The following CAMK4 variants were observed in gnomAD, a reference collection of about 807,000 sequenced individuals.
CAMK4 encodes the protein calcium/calmodulin dependent protein kinase IV, also known as calcium/calmodulin-dependent protein kinase type IV.
CAMK4 carries 22 observed loss-of-function variants against 44.9 expected under a neutral mutation model. That is an observed-to-expected ratio of 0.49 (90% confidence interval 0.35 to 0.70). The LOEUF (loss-of-function observed/expected upper bound fraction) is 0.70. Among genes scored for constraint, CAMK4 ranks in the 30% least tolerant of loss-of-function variants. The pLI, the probability that CAMK4 is intolerant of heterozygous loss-of-function variation, is 0.01. For missense variants in CAMK4, 498 were observed against 586.8 expected, an observed-to-expected ratio of 0.85 and a Z score of 1.56; for synonymous variants, 218 against 215.4, an observed-to-expected ratio of 1.01 and a Z score of -0.11.
At chr5:111,361,085 G>C (rs919102809) in intron 2 of CAMK4, among the ~76,000 whole-genome samples, 1 of 151,956 alleles carries the variant, frequency 6.6e-6, no homozygotes, top group Non-Finnish European at 1.5e-5. Context: ...CTTTGAAAAA[G>C]GTCTGAATTG....
At chr5:111,455,854 C>A (rs1754395259) in intron 7 of CAMK4, among the ~76,000 whole-genome samples, 1 of 152,124 alleles carries the variant, frequency 6.6e-6, no homozygotes, top group Admixed American at 6.5e-5. Flanking sequence ...GTTAGTGAAA[C>A]CCTCTAAATC....
At chr5:111,350,992 A>G (rs1335388627) in intron 2 of CAMK4, among the ~76,000 whole-genome samples, 1 of 152,112 alleles carries the variant, frequency 6.6e-6, no homozygotes, top group Non-Finnish European at 1.5e-5. Flanking sequence ...GGATGTCTCC[A>G]TTAGAGATTT....
rs34618322 is a variant in CAMK4 at position 111,424,434 on chromosome 5, C to CTTTTT, written c.460-22228_460-22224dup. ...TATATGCATATATGCATCTTCTATT[C>CTTTTT]TTTTTTTTTTTTTTTTTTTTTTTTT... On this transcript the variant is annotated intron_variant, in intron 5 of 10. Coordinates refer to ENST00000282356, the MANE Select transcript of CAMK4 (RefSeq NM_001744.6). Among the ~76,000 whole-genome samples the CTTTTT allele has an allele frequency of 1.3e-3, 87 of 64,914 alleles. 2 individuals carry two copies. The highest frequency in any genetic ancestry group is 1.7e-3 in the Non-Finnish European group (65 of 37,496). 42.6% of individuals were successfully genotyped at this position (64,914 alleles called of 152,430 possible).
intron 8 of CAMK4, among the ~76,000 whole-genome samples, chr5:111,473,990 G>A (rs2112488750): frequency 6.6e-6 from 1 of 152,226 alleles, no homozygotes; most frequent in South Asian, 2.1e-4. Context: ...AAGAAATAAG[G>A]AGTTTCATGA....
intron 5 of CAMK4, among the ~76,000 whole-genome samples, chr5:111,398,256 C>G (rs1347724489): frequency 6.6e-6 from 1 of 152,176 alleles, no homozygotes; most frequent in Non-Finnish European, 1.5e-5. Context: ...TTTCAAAATT[C>G]AGAACAGAAG....
rs570018082 is a variant in CAMK4, at chr5:111,403,891, A to G, written c.459+9109A>G. Among the ~76,000 whole-genome samples, 6 of 152,306 alleles carry G rather than the reference A, an allele frequency of 3.9e-5. No homozygotes were observed. In the East Asian group the frequency reaches 9.7e-4, roughly 25 times the overall value. On this transcript the variant is annotated intron_variant, in intron 5 of 10. Transcript: ENST00000282356. ...TCTTTTGATTCTCAAGTGAGCCACAATAGATTCTGGAGCATGTGTCTAGGA... is the reference window on the plus strand; with the variant it reads ...TCTTTTGATTCTCAAGTGAGCCACAGTAGATTCTGGAGCATGTGTCTAGGA...
chr5:111,242,866 A>G (rs1749066555), intron 1 of CAMK4, among the ~76,000 whole-genome samples: 1 of 150,672 alleles, frequency 6.6e-6, no homozygotes, highest in African/African-American at 2.4e-5. Flanking sequence ...CCTCTTCCAT[A>G]TTTTGTAAAC....
rs928584230 is a variant in CAMK4, at chr5:111,486,000, A to G, written c.*1534A>G. On this transcript the variant is annotated 3_prime_UTR_variant, in exon 11 of 11. Transcript: ENST00000282356. ...TTATTTTCAGAGACCAAATAAAGAC[A>G]ATAAAAATGACTATCACATAAAAAT... 1 of 152,236 alleles carries G rather than the reference A, an allele frequency of 6.6e-6. No individual in the cohort carries two copies. The highest frequency in any genetic ancestry group is 1.5e-5 in the Non-Finnish European group (1 of 68,038). The allele number at this position is 152,236 out of a possible 1,614,324, so 9.4% of individuals were successfully genotyped here. A position where few individuals can be genotyped will look rare whatever the true frequency, so the allele number is the denominator to read the frequency against.
chr5:111,238,641 G>A (rs1315673783), intron 1 of CAMK4, among the ~76,000 whole-genome samples: 1 of 150,730 alleles, frequency 6.6e-6, no homozygotes, highest in Non-Finnish European at 1.5e-5. Context: ...CCCCCATTTG[G>A]CACCTGTCTG....
At chr5:111,279,402 A>G (rs1031460770) in intron 1 of CAMK4, among the ~76,000 whole-genome samples, 3 of 152,200 alleles carry the variant, frequency 2.0e-5, no homozygotes, top group African/African-American at 7.2e-5. Flanking sequence ...AGTCAGCTCC[A>G]GCCCTGAGCC....
chr5:111,399,192 C>T (rs1369159817), intron 5 of CAMK4, among the ~76,000 whole-genome samples: 2 of 152,156 alleles, frequency 1.3e-5, no homozygotes, highest in Non-Finnish European at 2.9e-5. Context: ...GCTACACTGG[C>T]CTTGTTTTCC....
chr5:111,443,151 A>G (rs1753884936), intron 5 of CAMK4, among the ~76,000 whole-genome samples: 2 of 148,034 alleles, frequency 1.4e-5, no homozygotes, highest in South Asian at 2.1e-4. Flanking sequence ...TAGAAATTCT[A>G]TTGGTCAAAG....
intron 5 of CAMK4, among the ~76,000 whole-genome samples, chr5:111,438,258 A>G (rs1753713246): frequency 6.6e-6 from 1 of 152,216 alleles, no homozygotes; most frequent in Non-Finnish European, 1.5e-5. Context: ...TGGATAAATG[A>G]TCTTGGAGCT....
chr5:111,284,517 T>G (rs1201763623), intron 1 of CAMK4, among the ~76,000 whole-genome samples: 4 of 152,170 alleles, frequency 2.6e-5, no homozygotes, highest in African/African-American at 9.7e-5. Flanking sequence ...CAGACACAGA[T>G]AGAAGCCTTG....
chr5:111,386,662 C>CTA (rs1203051630), intron 4 of CAMK4, among the ~76,000 whole-genome samples: 1 of 152,192 alleles, frequency 6.6e-6, no homozygotes, highest in Non-Finnish European at 1.5e-5. Flanking sequence ...TTTTTTCATC[C>CTA]TATAAATTTT....
intron 5 of CAMK4, among the ~76,000 whole-genome samples, chr5:111,444,329 A>C (rs1261660565): frequency 1.3e-5 from 2 of 152,178 alleles, no homozygotes; most frequent in African/African-American, 4.8e-5. Context: ...TAAATGAGTC[A>C]ACAGGTATAA....
chr5:111,321,965 T>C (rs1039270785), intron 1 of CAMK4, among the ~76,000 whole-genome samples: 1 of 152,074 alleles, frequency 6.6e-6, no homozygotes, highest in South Asian at 2.1e-4. Context: ...CAATCATGAC[T>C]GAATCAAATT....
At chr5:111,428,348 G>A (rs10045295) in intron 5 of CAMK4, among the ~76,000 whole-genome samples, 90,665 of 152,030 alleles carry the variant, frequency 0.6, 27,138 homozygotes, top group Middle Eastern at 0.72. Context: ...GCTAGCATCA[G>A]CACTCTCCAG....
At chr5:111,456,937 G>A (rs776026559) in intron 7 of CAMK4, among the ~76,000 whole-genome samples, 1 of 152,216 alleles carries the variant, frequency 6.6e-6, no homozygotes, top group Non-Finnish European at 1.5e-5. Context: ...TCAGTGATCA[G>A]ACACTGAATG....
Sources: gnomAD v4.1 joint callset for allele counts (sites outside exome capture counted in the v4.1 genomes callset) on GRCh38, gnomAD v4.1.1 for gene constraint, MANE v1.5 for transcripts, NCBI Gene and HGNC (gene_info 2026-07-23, HGNC 2026-07-21) for gene names.